Variants in NUP214 observed in about 807,000 individuals in gnomAD.
NUP214 encodes the protein nucleoporin 214.
A neutral mutation model predicts 196.2 loss-of-function variants in NUP214; 79 were observed. That is an observed-to-expected ratio of 0.40 (90% CI 0.34 to 0.49). The LOEUF (loss-of-function observed/expected upper bound fraction) is 0.49. Among genes scored for constraint, NUP214 ranks in the 20% least tolerant of loss-of-function variants. The pLI, the probability that NUP214 is intolerant of heterozygous loss-of-function variation, is 0.58. For synonymous variants in NUP214, 1,020 were observed against 990.5 expected (o/e 1.03, Z -0.56); for missense variants, 2,468 against 2,539.0 (o/e 0.97, Z 0.60).
In NUP214 at chr9:131,228,325, G is replaced by T. The variant is rs1260831994; in HGVS notation, c.6068G>T (p.Gly2023Val). The T allele has an allele frequency of 6.3e-7, 1 of 1,587,522 alleles. No individual in the cohort carries two copies. The highest frequency in any genetic ancestry group is 2.4e-5 in the East Asian group (1 of 42,370). Residue 2023 changes from glycine (G) to valine (V), a missense_variant, in exon 33 of 36, where the codon GGA (glycine) becomes GTA (valine). Around this residue, in one of 5 missense-constraint regions of NUP214, gnomAD observed 262 missense variants for 296.5 expected, o/e 0.88. Coordinates refer to ENST00000359428, the MANE Select transcript of NUP214 (RefSeq NM_005085.4). ...GGCACTGCAGCTGCCAGCGCAGGAG[G>T]ATTCGGGTAAGCCCCCTGGGGAGGG... The part of the protein sequence containing the change: ...GEGTAAASAG[G>V]FGFGSSSNTT...
Position 131,163,883 on chromosome 9 carries a change from C to A in NUP214, c.2737C>A (p.Leu913Met), listed in dbSNP as rs1832713031. ...QSSIHSFDSDLESLCNALLKT... is the reference protein window; with the variant it reads ...QSSIHSFDSDMESLCNALLKT... ...GTTCTGTTTCAGTTTTGACAGTGAC[C>A]TGGAAAGCCTGTGCAATGCTTTGTT... The change falls in exon 20 of 36, where the codon CTG (leucine) becomes ATG (methionine). Residue 913 changes from leucine (L) to methionine (M), a missense_variant. By Grantham distance (15) the Leu-to-Met change is conservative. Around this residue, in one of 5 missense-constraint regions of NUP214, gnomAD observed 1,801 missense variants for 1,779.4 expected, o/e 1.01. Transcript: ENST00000359428. The A allele has an allele frequency of 6.2e-7, 1 of 1,613,972 alleles. No homozygotes were observed. The highest frequency in any genetic ancestry group is 1.7e-5 in the Admixed American group (1 of 59,982).
At chr9:131,135,407 G>A in intron 8 of NUP214, 1 of 186,732 alleles carries the variant, frequency 5.4e-6, no homozygotes, top group South Asian at 1.8e-4. Context: ...TGGAGGCTGA[G>A]ATGCCTTGAA....
At chr9:131,170,681 T>A (rs1332430306) in intron 21 of NUP214, among the ~76,000 whole-genome samples, 2 of 152,176 alleles carry the variant, frequency 1.3e-5, no homozygotes, top group Admixed American at 6.5e-5. Flanking sequence ...CCTGGCAGAA[T>A]TCATTTATTC....
Position 131,146,020 on chromosome 9 carries a change from G to T in NUP214, c.1770-109G>T, listed in dbSNP as rs974601456. On this transcript the variant is annotated intron_variant, in intron 12 of 35. Coordinates refer to ENST00000359428, the MANE Select transcript of NUP214 (RefSeq NM_005085.4). The surrounding 1 kb of genome is among the most constrained non-coding windows in gnomAD (Gnocchi z 4.6). ...TGAAGGCAAAAAGTATGTTATCTTT[G>T]TAAGTTAACATAAAAGATAATAAGT... 3 of 1,038,724 alleles carry T rather than the reference G, an allele frequency of 2.9e-6. No homozygotes were observed. Among genetic ancestry groups the T allele is most frequent in the Non-Finnish European group, 4.2e-6 (3 of 713,312 alleles). 64.3% of individuals were successfully genotyped at this position (1,038,724 alleles called of 1,614,324 possible). A position where few individuals can be genotyped will look rare whatever the true frequency, so the allele number is the denominator to read the frequency against.
chr9:131,125,987 G>A lies in NUP214; in HGVS notation c.45+238G>A, dbSNP rs1378626659. ...TGAGTTACCCTAGCTACTTCCTGGG[G>A]CGGTCACAATAGTGGCAATAACTGC... On this transcript the variant is annotated intron_variant, in intron 1 of 35. Transcript: ENST00000359428. This position sits in a 1 kb window ranked among gnomAD's most constrained non-coding sequence, Gnocchi z 4.1. 1.8e-6 allele frequency: 1 copy of A among 564,368 alleles called. No homozygotes were observed. The highest frequency in any genetic ancestry group is 3.1e-6 in the Non-Finnish European group (1 of 321,492). The allele number at this position is 564,368 out of a possible 1,614,324, so 35.0% of individuals were successfully genotyped here.
intron 21 of NUP214, among the ~76,000 whole-genome samples, chr9:131,170,164 A>T (rs1487290101): frequency 1.3e-5 from 2 of 152,152 alleles, no homozygotes; most frequent in Non-Finnish European, 2.9e-5. Context: ...ATTTTATGTC[A>T]TGTATATTTT....
chr9:131,193,596 A>G (rs922350351), intron 27 of NUP214, among the ~76,000 whole-genome samples: 4 of 127,464 alleles, frequency 3.1e-5, no homozygotes, highest in African/African-American at 1.2e-4. Flanking sequence ...GCTAATAATC[A>G]GTCTTCTGTG....
At chr9:131,181,355 T>A (rs1490670662) in intron 24 of NUP214, among the ~76,000 whole-genome samples, 1 of 152,122 alleles carries the variant, frequency 6.6e-6, no homozygotes, top group Non-Finnish European at 1.5e-5. Context: ...CTGCTTTCAG[T>A]TCTTTTGGGT....
intron 17 of NUP214, among the ~76,000 whole-genome samples, chr9:131,157,471 T>TG (rs1310455565): frequency 7.0e-6 from 1 of 143,742 alleles, no homozygotes; most frequent in African/African-American, 2.6e-5. Context: ...TTTTTTTTTT[T>TG]TTTTTTTTTT....
rs773728173 is a variant in NUP214, at chr9:131,174,043, G to C, written c.2894-12G>C. 6.2e-6 allele frequency: 10 copies of C among 1,609,312 alleles called. No individual in the cohort carries two copies. The highest frequency in any genetic ancestry group is 8.5e-6 in the Non-Finnish European group (10 of 1,178,630). On this transcript the variant is annotated splice_polypyrimidine_tract_variant and intron_variant, in intron 21 of 35. Transcript: ENST00000359428. Reference sequence around the variant, plus strand: ...AGTTGTCTAAATTGTGTTTTGTTTGGGGCTTTTGTAGCCAGCCTGTCTCGA... The same window carrying C: ...AGTTGTCTAAATTGTGTTTTGTTTGCGGCTTTTGTAGCCAGCCTGTCTCGA...
At chr9:131,152,964 T>A (rs1206622788) in intron 17 of NUP214, among the ~76,000 whole-genome samples, 2 of 152,132 alleles carry the variant, frequency 1.3e-5, no homozygotes, top group East Asian at 3.9e-4. Context: ...TTTGTAGAGA[T>A]GGGGTCTCAC....
At chr9:131,161,319 G>A (rs1294879977) in intron 18 of NUP214, among the ~76,000 whole-genome samples, 1 of 150,084 alleles carries the variant, frequency 6.7e-6, no homozygotes, top group African/African-American at 2.5e-5. Context: ...GTGCAGTGGC[G>A]CGATCTCGGC....
chr9:131,177,594 C>T (rs1390374556), intron 23 of NUP214, among the ~76,000 whole-genome samples: 2 of 152,120 alleles, frequency 1.3e-5, no homozygotes, highest in African/African-American at 4.8e-5. Flanking sequence ...ACAGGTCTGT[C>T]ATTCTGCTTG....
At chr9:131,136,921 TCTC>T (rs1454560234) in intron 9 of NUP214, 1 of 152,220 alleles carries the variant, frequency 6.6e-6, no homozygotes, top group African/African-American at 2.4e-5. Flanking sequence ...AGCAAGTGCT[TCTC>T]CTCCCCACAT....
intron 18 of NUP214, among the ~76,000 whole-genome samples, chr9:131,161,806 T>G (rs1031543417): frequency 1.3e-5 from 2 of 152,202 alleles, no homozygotes; most frequent in Non-Finnish European, 2.9e-5. Context: ...CAGAATGTGC[T>G]TACACTATGT....
intron 24 of NUP214, among the ~76,000 whole-genome samples, chr9:131,186,206 G>A (rs1005155748): frequency 1.3e-5 from 2 of 152,180 alleles, no homozygotes; most frequent in African/African-American, 4.8e-5. Flanking sequence ...CAGGGGAACA[G>A]AGATGTGTTT....
At chr9:131,193,629 CTTTTTTTTTTTTTTTTT>C (rs71389402) in intron 27 of NUP214, among the ~76,000 whole-genome samples, 24 of 28,228 alleles carry the variant, frequency 8.5e-4, no homozygotes, top group East Asian at 4.8e-3. Context: ...TCTTCCTTTT[CTTTTTTTTTTTTTTTTT>C]TTTTTTTTTT....
chr9:131,139,257 T>A lies in NUP214; in HGVS notation c.1006-24T>A, dbSNP rs80284598. ...TTTTCTTTTTTCTTCTTCTTCTTCT[T>A]TTTTTTTTTTTTTTTTTTTTTAGAT... On this transcript the variant is annotated intron_variant, in intron 9 of 35. Transcript: ENST00000359428. 63 of 444,034 alleles carry A rather than the reference T, an allele frequency of 1.4e-4. No homozygotes were observed. The East Asian group carries it at 2.5e-3, about 18-fold the overall frequency. The allele number at this position is 444,034 out of a possible 1,614,324, so 27.5% of individuals were successfully genotyped here.
In NUP214 at chr9:131,197,497, T is replaced by C; in HGVS notation, c.4003T>C (p.Ser1335Pro). ...GGCTGGAGAGACTCTGGGAAGTTTT[T>C]CAGGACTGCGGGTTGGCCAAGCAGA... ...SLAGETLGSF[S>P]GLRVGQADDS... The change falls in exon 29 of 36, where the codon TCA (serine) becomes CCA (proline). Residue 1335 changes from serine (S) to proline (P), a missense_variant. Around this residue, in one of 5 missense-constraint regions of NUP214, gnomAD observed 1,801 missense variants for 1,779.4 expected, o/e 1.01. Transcript: ENST00000359428. 1 of 1,614,168 alleles carries C rather than the reference T, an allele frequency of 6.2e-7. No individual in the cohort carries two copies.
Sources: allele counts gnomAD v4.1 joint callset (sites outside exome capture counted in the v4.1 genomes callset), GRCh38; gene constraint gnomAD v4.1.1; regional missense constraint gnomAD v4.1.1; non-coding constraint Gnocchi (gnomAD v3.1); transcripts MANE v1.5; gene names NCBI Gene and HGNC (gene_info 2026-07-23, HGNC 2026-07-21).